SLC25A12: variants seen among roughly 807,000 people sequenced by gnomAD.
SLC25A12 encodes the protein solute carrier family 25 member 12.
SLC25A12 carries 32 observed loss-of-function variants against 83.3 expected under a neutral mutation model. The observed-to-expected ratio is 0.38, with a 90% CI of 0.29 to 0.52. The LOEUF is 0.52. Among genes scored for constraint, SLC25A12 ranks in the 20% least tolerant of loss-of-function variants. SLC25A12 has a pLI of 0.84. For missense variants in SLC25A12, 611 were observed against 835.6 expected (o/e 0.73, Z 3.31); for synonymous variants, 267 against 291.1 (o/e 0.92, Z 0.84).
At chr2:171,831,118 A>C (rs1684421641) in intron 8 of SLC25A12, among the ~76,000 whole-genome samples, 1 of 152,166 alleles carries the variant, frequency 6.6e-6, no homozygotes, top group Non-Finnish European at 1.5e-5. Context: ...ATCCATCTTT[A>C]CAACAGTTTT....
chr2:171,841,417 C>T (rs940863572), intron 5 of SLC25A12, among the ~76,000 whole-genome samples: 11 of 151,424 alleles, frequency 7.3e-5, no homozygotes, highest in African/African-American at 1.5e-4. Context: ...CGGTCACCCA[C>T]GCTGGAGTGC....
intron 2 of SLC25A12, among the ~76,000 whole-genome samples, chr2:171,892,302 T>C (rs1558948544): frequency 6.6e-6 from 1 of 151,778 alleles, no homozygotes; most frequent in Non-Finnish European, 1.5e-5. Flanking sequence ...CTCGACTCAC[T>C]GCAAGCTCCG....
At chr2:171,806,369 C>T (rs560444880) in intron 13 of SLC25A12, among the ~76,000 whole-genome samples, 3 of 152,224 alleles carry the variant, frequency 2.0e-5, no homozygotes, top group East Asian at 1.9e-4. Context: ...GCAGGAGAAT[C>T]GCATTAACCT....
intron 2 of SLC25A12, among the ~76,000 whole-genome samples, chr2:171,882,096 C>T (rs1299214892): frequency 1.3e-5 from 2 of 152,174 alleles, no homozygotes; most frequent in Non-Finnish European, 2.9e-5. Flanking sequence ...GAATCTCTTG[C>T]CATCTCTGTC....
chr2:171,820,949 G>A (rs66835971), intron 9 of SLC25A12, among the ~76,000 whole-genome samples: 42,833 of 145,904 alleles, frequency 0.29, 6,410 homozygotes, highest in African/African-American at 0.38. Flanking sequence ...ATATTTATCC[G>A]TTCTACTGTT....
At chr2:171,866,324 GC>G (rs1481684983) in intron 3 of SLC25A12, among the ~76,000 whole-genome samples, 22 of 138,302 alleles carry the variant, frequency 1.6e-4, no homozygotes, top group African/African-American at 5.1e-4. Flanking sequence ...TGTCATCATG[GC>G]CCGTTCTCAA....
chr2:171,851,898 T>C (rs186075638), intron 4 of SLC25A12, among the ~76,000 whole-genome samples: 1 of 152,324 alleles, frequency 6.6e-6, no homozygotes, highest in Admixed American at 6.5e-5. Flanking sequence ...TATAACTGCT[T>C]ATCTAGGTTA....
chr2:171,826,395 G>A (rs960559863), intron 9 of SLC25A12, among the ~76,000 whole-genome samples: 22 of 152,270 alleles, frequency 1.4e-4, no homozygotes, highest in African/African-American at 5.1e-4. Flanking sequence ...ATCACCTGAG[G>A]TCACGAGTTC....
intron 2 of SLC25A12, among the ~76,000 whole-genome samples, chr2:171,874,678 TTCA>T (rs1290872380): frequency 6.6e-6 from 1 of 152,126 alleles, no homozygotes; most frequent in African/African-American, 2.4e-5. Flanking sequence ...TGGCATCTAC[TTCA>T]TAGAATACTA....
intron 2 of SLC25A12, among the ~76,000 whole-genome samples, chr2:171,888,598 C>T (rs1025311039): frequency 3.3e-5 from 5 of 151,868 alleles, no homozygotes; most frequent in African/African-American, 9.7e-5. Context: ...TGCGCTACCA[C>T]ATCTGGCTAA....
intron 9 of SLC25A12, among the ~76,000 whole-genome samples, chr2:171,822,749 G>A (rs1158563315): frequency 6.6e-6 from 1 of 152,060 alleles, no homozygotes; most frequent in Non-Finnish European, 1.5e-5. Flanking sequence ...CAGTGGCCAG[G>A]CTCTTAACTA....
At chr2:171,892,518 C>G (rs1189663767) in intron 2 of SLC25A12, among the ~76,000 whole-genome samples, 1 of 152,188 alleles carries the variant, frequency 6.6e-6, no homozygotes, top group East Asian at 1.9e-4. Context: ...AGCCACCGCG[C>G]CCGGCCTACA....
intron 2 of SLC25A12, among the ~76,000 whole-genome samples, chr2:171,875,176 G>T (rs544786150): frequency 1.3e-5 from 2 of 152,094 alleles, no homozygotes; most frequent in African/African-American, 4.8e-5. Flanking sequence ...GACCAATTGC[G>T]GGCCACCACT....
Position 171,824,623 on chromosome 2 carries a change from A to C in SLC25A12, c.930+2175T>G, listed in dbSNP as rs796453072. ...TTCACAGATGTATAGGCTACAAAAA[A>C]TAAAATTAAATTCAGTAAGAGCTCT... On this transcript the variant is annotated intron_variant, in intron 9 of 17. Coordinates refer to ENST00000422440, the MANE Select transcript of SLC25A12 (RefSeq NM_003705.5). 2.6e-5 allele frequency among the ~76,000 whole-genome samples: 4 copies of C among 152,150 alleles called. No homozygotes were observed. In the South Asian group the frequency reaches 8.3e-4, roughly 31 times the overall value.
At chr2:171,853,983 T>C (rs2105904224) in intron 4 of SLC25A12, among the ~76,000 whole-genome samples, 1 of 152,320 alleles carries the variant, frequency 6.6e-6, no homozygotes, top group Middle Eastern at 3.4e-3. Flanking sequence ...GCACACAGGA[T>C]ATAAGCACAG....
chr2:171,794,213 G>A (rs927332334), intron 13 of SLC25A12, among the ~76,000 whole-genome samples: 6 of 152,158 alleles, frequency 3.9e-5, no homozygotes, highest in Admixed American at 3.9e-4. Context: ...TGTGGTAAGC[G>A]TTCTTGGCAG....
chr2:171,791,260 T>A (rs1268486543), intron 15 of SLC25A12, among the ~76,000 whole-genome samples, 191 bp downstream of exon 15: 1 of 152,152 alleles, frequency 6.6e-6, no homozygotes, highest in African/African-American at 2.4e-5. Context: ...AAGCTGTTTA[T>A]CCACATTATG....
intron 15 of SLC25A12, among the ~76,000 whole-genome samples, chr2:171,790,476 C>T (rs557879301): frequency 1.3e-5 from 2 of 152,282 alleles, no homozygotes; most frequent in South Asian, 4.1e-4. Flanking sequence ...CATCTTAGTA[C>T]CTCCCTGCTC....
chr2:171,790,209 G>A (rs1393498588), intron 15 of SLC25A12, among the ~76,000 whole-genome samples: 2 of 152,232 alleles, frequency 1.3e-5, no homozygotes, highest in African/African-American at 4.8e-5. Context: ...TTGCCCTGAT[G>A]TTTAGCCAGA....
Sources: gnomAD v4.1 joint callset for allele counts (sites outside exome capture counted in the v4.1 genomes callset) on GRCh38, gnomAD v4.1.1 for gene constraint, MANE v1.5 for transcripts, NCBI Gene and HGNC (gene_info 2026-07-23, HGNC 2026-07-21) for gene names.